The following PROSER1 variants were observed in gnomAD, a reference collection of about 807,000 sequenced individuals.
The protein encoded by PROSER1 is proline and serine-rich protein 1.
A neutral mutation model predicts 71.8 loss-of-function variants in PROSER1; 36 were observed. That is an observed-to-expected ratio of 0.50 (90% CI 0.38 to 0.66). The LOEUF is 0.66. PROSER1 is among the 30% of genes least tolerant of loss of function. PROSER1 has a pLI of 0.00. For missense variants in PROSER1, 1,107 were observed against 1,135.0 expected, an observed-to-expected ratio of 0.98 and a Z score of 0.35; for synonymous variants, 490 against 452.4, an observed-to-expected ratio of 1.08 and a Z score of -1.06.
intron 10 of PROSER1, among the ~76,000 whole-genome samples, chr13:39,014,833 A>G (rs532217241): frequency 1.3e-5 from 2 of 152,208 alleles, no homozygotes; most frequent in South Asian, 4.1e-4. Flanking sequence ...CTTTCAATCT[A>G]CTTATCTAGA....
intron 2 of PROSER1, among the ~76,000 whole-genome samples, chr13:39,032,405 G>T (rs1055765584): frequency 6.6e-6 from 1 of 152,072 alleles, no homozygotes; most frequent in African/African-American, 2.4e-5. Flanking sequence ...TAAAGATCAG[G>T]ACACTGAAGT....
At chr13:39,024,422 A>C in intron 7 of PROSER1, 51 bp downstream of exon 7, 2 of 1,319,426 alleles carry the variant, frequency 1.5e-6, no homozygotes, top group Non-Finnish European at 2.1e-6. Context: ...GTAAAAAGGA[A>C]ACTTTATGTA....
chr13:39,026,724 T>C (rs1870562578), intron 5 of PROSER1, among the ~76,000 whole-genome samples: 1 of 152,122 alleles, frequency 6.6e-6, no homozygotes, highest in Non-Finnish European at 1.5e-5. Flanking sequence ...AATCTACAAA[T>C]GCCAAGGTCA....
chr13:39,031,664 G>A, intron 2 of PROSER1, 33 bp from the exon 3 acceptor site: 1 of 1,561,034 alleles, frequency 6.4e-7, no homozygotes, highest in Non-Finnish European at 8.8e-7. Context: ...TCTAATGACA[G>A]CATGTTTGCA....
chr13:39,033,087 A>G (rs942542151), intron 2 of PROSER1, among the ~76,000 whole-genome samples: 4 of 152,082 alleles, frequency 2.6e-5, no homozygotes, highest in African/African-American at 9.7e-5. Context: ...TGCCCGGCTC[A>G]TTTTTGTATT....
chr13:39,027,169 A>G (rs528044767), intron 5 of PROSER1, among the ~76,000 whole-genome samples: 8 of 152,276 alleles, frequency 5.3e-5, no homozygotes, highest in African/African-American at 1.7e-4. Context: ...CACAACACAT[A>G]TATGTATATT....
chr13:39,027,378 T>C (rs1870596674), intron 5 of PROSER1, among the ~76,000 whole-genome samples: 1 of 152,162 alleles, frequency 6.6e-6, no homozygotes, highest in South Asian at 2.1e-4. Context: ...GTTTACCTTC[T>C]AGAAAAGTTG....
intron 6 of PROSER1, among the ~76,000 whole-genome samples, chr13:39,024,891 A>G (rs768906271): frequency 2.6e-5 from 4 of 152,196 alleles, no homozygotes; most frequent in Non-Finnish European, 5.9e-5. Flanking sequence ...CAAGTCTCTT[A>G]TATAAAACAG....
At chr13:39,011,588 A>T (rs898565506) in intron 12 of PROSER1, 101 bp from the exon 13 acceptor site, 1 of 1,234,536 alleles carries the variant, frequency 8.1e-7, no homozygotes, top group African/African-American at 1.5e-5. Flanking sequence ...AATAGGAAAG[A>T]AAGACAAGAC....
intron 6 of PROSER1, among the ~76,000 whole-genome samples, chr13:39,024,977 T>C (rs1444697918): frequency 6.6e-6 from 1 of 152,196 alleles, no homozygotes; most frequent in Non-Finnish European, 1.5e-5. Context: ...TAATACCGAA[T>C]ACAATGTGGA....
chr13:39,025,034 C>G (rs1477232578), intron 6 of PROSER1, among the ~76,000 whole-genome samples: 1 of 151,996 alleles, frequency 6.6e-6, no homozygotes, highest in Non-Finnish European at 1.5e-5. Context: ...TGTATTATTG[C>G]TTTTTTTCGG....
At chr13:39,018,562 T>C (rs1388292027) in intron 9 of PROSER1, among the ~76,000 whole-genome samples, 7 of 151,008 alleles carry the variant, frequency 4.6e-5, no homozygotes, top group South Asian at 2.1e-4. Flanking sequence ...AAAAATCTGA[T>C]TCCAAATTAA....
chr13:39,018,346 C>T (rs950328102), intron 9 of PROSER1, among the ~76,000 whole-genome samples: 3 of 152,120 alleles, frequency 2.0e-5, no homozygotes, highest in African/African-American at 7.2e-5. Flanking sequence ...GAAACCTCCA[C>T]GCCCTGGTAT....
chr13:39,020,549 G>A (rs1310476775), intron 9 of PROSER1, among the ~76,000 whole-genome samples: 4 of 151,828 alleles, frequency 2.6e-5, no homozygotes, highest in African/African-American at 9.7e-5. Context: ...TAACTACAGT[G>A]GAATTTTAAT....
At chr13:39,036,610 C>G (rs1871119283) in intron 1 of PROSER1, among the ~76,000 whole-genome samples, 1 of 152,170 alleles carries the variant, frequency 6.6e-6, no homozygotes, top group African/African-American at 2.4e-5. Context: ...GCGATCCACA[C>G]AACAGCCTCA....
rs3030986 is a variant in PROSER1 at position 39,010,048 on chromosome 13, AAC to A, written c.*1315_*1316del. The A allele has an allele frequency of 0.031, 4,706 of 152,710 alleles. 166 individuals are homozygous for A. Among genetic ancestry groups the A allele is most frequent in the African/African-American group, 0.091 (3,773 of 41,550 alleles). 9.5% of individuals were successfully genotyped at this position (152,710 alleles called of 1,614,324 possible). On this transcript the variant is annotated 3_prime_UTR_variant, in exon 13 of 13. Transcript: ENST00000352251. ...AAACGAATGAGCAATCAGTAGTATA[AAC>A]AGAGTTACAACTAAATTTGGATAAA...
intron 5 of PROSER1, among the ~76,000 whole-genome samples, chr13:39,027,125 G>A (rs1870586267): frequency 2.0e-5 from 3 of 152,096 alleles, no homozygotes; most frequent in Admixed American, 2.0e-4. Context: ...TATGTACAAT[G>A]TATTTTATTA....
intron 10 of PROSER1, among the ~76,000 whole-genome samples, chr13:39,015,183 T>C (rs1869952888): frequency 2.0e-5 from 3 of 152,176 alleles, no homozygotes; most frequent in African/African-American, 7.2e-5. Flanking sequence ...ATATCATAAT[T>C]ACCTCAAACT....
chr13:39,023,069 T>G lies in PROSER1; in HGVS notation c.626A>C (p.His209Pro), dbSNP rs1393246979. Residue 209 changes from histidine to proline, a missense_variant, in exon 8 of 13, where the codon CAT becomes CCT. Physicochemically the swap from His to Pro is moderately conservative, Grantham distance 77 (BLOSUM62 -2). Coordinates refer to ENST00000352251, the MANE Select transcript of PROSER1 (RefSeq NM_025138.5). ...CTCCTTACTTGGTGCAATAGTTGCA[T>G]GTGGTCGGCATGGAGGTATCGGATA... ...VPYPIPPCRPHATIAPSAYNN... is the reference protein window; with the variant it reads ...VPYPIPPCRPPATIAPSAYNN... 2 of 1,612,744 alleles carry G rather than the reference T, an allele frequency of 1.2e-6. No homozygotes were observed. Among genetic ancestry groups the G allele is most frequent in the Non-Finnish European group, 8.5e-7 (1 of 1,178,928 alleles).
Sources: allele counts gnomAD v4.1 joint callset (sites outside exome capture counted in the v4.1 genomes callset), GRCh38; gene constraint gnomAD v4.1.1; transcripts MANE v1.5; gene names NCBI Gene and HGNC (gene_info 2026-07-23, HGNC 2026-07-21).